GUCY1A2: variants seen among roughly 807,000 people sequenced by gnomAD.
GUCY1A2 encodes guanylate cyclase soluble subunit alpha-2.
Under a neutral mutation model 63.5 loss-of-function variants are expected in GUCY1A2, and 27 were observed. That is an observed-to-expected ratio of 0.43 (90% CI 0.31 to 0.59). The LOEUF (loss-of-function observed/expected upper bound fraction) is 0.59, where lower values mean the gene tolerates loss of function less well. GUCY1A2 is among the 20% of genes least tolerant of loss of function. The pLI, the probability that GUCY1A2 is intolerant of heterozygous loss-of-function variation, is 0.11. For missense variants in GUCY1A2, 768 were observed against 913.3 expected, an observed-to-expected ratio of 0.84 and a Z score of 2.05; for synonymous variants, 364 against 343.5, an observed-to-expected ratio of 1.06 and a Z score of -0.66.
intron 6 of GUCY1A2, chr11:106,746,481 A>G (rs1242817882): frequency 1.3e-6 from 1 of 761,196 alleles, no homozygotes; most frequent in Non-Finnish European, 2.2e-6. Flanking sequence ...ATACTCAAGG[A>G]AGTAAGTAAT....
intron 2 of GUCY1A2, among the ~76,000 whole-genome samples, chr11:106,981,324 GA>G (rs1245153532): frequency 1.3e-5 from 2 of 152,056 alleles, no homozygotes; most frequent in Non-Finnish European, 2.9e-5. Flanking sequence ...AAAGAGAACA[GA>G]AGGTTGGCTG....
At chr11:106,794,936 A>G (rs1264402139) in intron 5 of GUCY1A2, among the ~76,000 whole-genome samples, 1 of 152,152 alleles carries the variant, frequency 6.6e-6, no homozygotes, top group East Asian at 1.9e-4. Flanking sequence ...GTCTTCTTTC[A>G]TATGAATAAC....
intron 4 of GUCY1A2, among the ~76,000 whole-genome samples, chr11:106,905,578 T>A (rs925893673): frequency 6.6e-6 from 1 of 152,016 alleles, no homozygotes; most frequent in Admixed American, 6.6e-5. Context: ...ACTTAGAGAA[T>A]TGGGATCAAG....
chr11:106,866,536 A>C (rs1859596773), intron 4 of GUCY1A2, among the ~76,000 whole-genome samples: 1 of 152,104 alleles, frequency 6.6e-6, no homozygotes, highest in Non-Finnish European at 1.5e-5. Flanking sequence ...CGGATGAGCC[A>C]CTGAAAATCG....
rs1389168953 is a variant in GUCY1A2, at chr11:106,678,351, T to C, written c.*9198A>G. 1.4e-5 allele frequency: 3 copies of C among 209,670 alleles called. No homozygotes were observed. Among genetic ancestry groups the C allele is most frequent in the Non-Finnish European group, 2.9e-5 (3 of 103,090 alleles). The allele number at this position is 209,670 out of a possible 1,614,324, so 13.0% of individuals were successfully genotyped here. Reference sequence around the variant, plus strand: ...AATTCAGAAGGAGGGTTTCACATTATTGATAAATCAACTAGCTGTTTTCAT... The same window carrying C: ...AATTCAGAAGGAGGGTTTCACATTACTGATAAATCAACTAGCTGTTTTCAT... On this transcript the variant is annotated 3_prime_UTR_variant, in exon 8 of 8. Transcript: ENST00000526355.
intron 4 of GUCY1A2, among the ~76,000 whole-genome samples, chr11:106,888,038 G>C (rs1859921924): frequency 6.6e-6 from 1 of 152,036 alleles, no homozygotes; most frequent in South Asian, 2.1e-4. Context: ...TTCAAAACTT[G>C]CCTGACAAAG....
At chr11:106,690,948 T>C (rs1053205173) in intron 7 of GUCY1A2, among the ~76,000 whole-genome samples, 2 of 152,192 alleles carry the variant, frequency 1.3e-5, no homozygotes, top group Non-Finnish European at 2.9e-5. Flanking sequence ...TCATCAGTAC[T>C]TTTTACTTTC....
intron 3 of GUCY1A2, among the ~76,000 whole-genome samples, chr11:106,941,309 T>C (rs1413830680): frequency 6.6e-6 from 1 of 152,118 alleles, no homozygotes; most frequent in Non-Finnish European, 1.5e-5. Flanking sequence ...ATGTATTCTA[T>C]CGTAATAAGA....
chr11:106,925,934 A>C (rs954079074), intron 4 of GUCY1A2, among the ~76,000 whole-genome samples: 6 of 152,226 alleles, frequency 3.9e-5, no homozygotes, highest in Non-Finnish European at 8.8e-5. Context: ...TGGTGATAGC[A>C]ATCTCTGATT....
At chr11:106,781,044 C>T (rs1353547260) in intron 5 of GUCY1A2, among the ~76,000 whole-genome samples, 1 of 147,748 alleles carries the variant, frequency 6.8e-6, no homozygotes, top group Non-Finnish European at 1.5e-5. Flanking sequence ...TGTATCAATT[C>T]CATTGCTCCT....
chr11:106,956,322 T>C (rs1160386894), intron 3 of GUCY1A2, among the ~76,000 whole-genome samples: 2 of 152,066 alleles, frequency 1.3e-5, no homozygotes, highest in African/African-American at 4.8e-5. Flanking sequence ...TCTGTGCCCT[T>C]GACATTGTAA....
chr11:106,840,399 C>T (rs979482279), intron 4 of GUCY1A2, among the ~76,000 whole-genome samples: 21 of 152,014 alleles, frequency 1.4e-4, no homozygotes, highest in Middle Eastern at 3.4e-3. Context: ...TCTGCATAAA[C>T]GCTTCTAGCT....
chr11:106,939,999 G>A lies in GUCY1A2; in HGVS notation c.667C>T (p.Pro223Ser). 5 of 1,614,042 alleles carry A rather than the reference G, an allele frequency of 3.1e-6. No homozygotes were observed. The highest frequency in any genetic ancestry group is 4.2e-6 in the Non-Finnish European group (5 of 1,179,978). ...SFGKQATLES[P>S]SFLCKELPEG... The stretch of plus-strand genomic sequence containing the variant: ...GGGAGCTCTTTGCATAGGAAAGATG[G>A]TGACTCCAGAGTGGCCTGTTTTCCA... Residue 223 changes from proline (P) to serine (S), a missense_variant, in exon 4 of 8, where the codon CCA (proline) becomes TCA (serine). This residue lies in a region of GUCY1A2 where 496 missense variants were observed against 486.9 expected (regional missense o/e 1.02). Coordinates refer to ENST00000526355, the MANE Select transcript of GUCY1A2 (RefSeq NM_000855.3).
At chr11:106,741,071 GA>G in intron 6 of GUCY1A2, among the ~76,000 whole-genome samples, 1 of 152,258 alleles carries the variant, frequency 6.6e-6, no homozygotes, top group South Asian at 2.1e-4. Flanking sequence ...CTGTCCAATA[GA>G]AAAACAATGT....
At chr11:106,935,316 T>C (rs1339677337) in intron 4 of GUCY1A2, among the ~76,000 whole-genome samples, 3 of 152,184 alleles carry the variant, frequency 2.0e-5, no homozygotes, top group Admixed American at 6.5e-5. Context: ...GTAGAAGTAA[T>C]AATGAACATT....
intron 6 of GUCY1A2, among the ~76,000 whole-genome samples, chr11:106,756,055 G>A (rs1175558492): frequency 6.6e-6 from 1 of 152,132 alleles, no homozygotes; most frequent in Non-Finnish European, 1.5e-5. Flanking sequence ...TATATATTTA[G>A]GATAGTTAGC....
chr11:106,745,521 A>T (rs1003615066), intron 6 of GUCY1A2, among the ~76,000 whole-genome samples: 15 of 152,208 alleles, frequency 9.9e-5, no homozygotes, highest in African/African-American at 3.6e-4. Flanking sequence ...CCATTTAGTG[A>T]ATTGAGATTT....
intron 5 of GUCY1A2, among the ~76,000 whole-genome samples, chr11:106,803,895 C>T (rs1263171471): frequency 2.6e-5 from 4 of 152,160 alleles, no homozygotes; most frequent in African/African-American, 7.2e-5. Flanking sequence ...CAAAGGCAAA[C>T]GTATAAATGA....
chr11:106,719,852 C>T (rs1460627793), intron 6 of GUCY1A2, among the ~76,000 whole-genome samples: 1 of 152,184 alleles, frequency 6.6e-6, no homozygotes, highest in Non-Finnish European at 1.5e-5. Flanking sequence ...TAATGTTTTA[C>T]AGATATATTC....
Sources: allele counts gnomAD v4.1 joint callset (sites outside exome capture counted in the v4.1 genomes callset), GRCh38; gene constraint gnomAD v4.1.1; regional missense constraint gnomAD v4.1.1; transcripts MANE v1.5; gene names NCBI Gene and HGNC (gene_info 2026-07-23, HGNC 2026-07-21).